PPHLN1: variants seen among roughly 807,000 people sequenced by gnomAD.
PPHLN1 encodes the protein periphilin 1.
PPHLN1 carries 29 observed loss-of-function variants against 51.3 expected under a neutral mutation model. The ratio of observed to expected loss-of-function variants is 0.57; its 90% CI spans 0.42 to 0.77. PPHLN1 has a LOEUF of 0.77. Among genes scored for constraint, PPHLN1 ranks in the 30% least tolerant of loss-of-function variants. The pLI is 0.00. For synonymous variants in PPHLN1, 147 were observed against 147.8 expected, an observed-to-expected ratio of 0.99 and a Z score of 0.04; for missense variants, 436 against 438.4, an observed-to-expected ratio of 0.99 and a Z score of 0.05.
chr12:42,362,753 T>G (rs1753924645), intron 4 of PPHLN1, among the ~76,000 whole-genome samples: 1 of 152,260 alleles, frequency 6.6e-6, no homozygotes, highest in African/African-American at 2.4e-5. Flanking sequence ...TTTTTCCATC[T>G]GTGGGAAATC....
intron 5 of PPHLN1, among the ~76,000 whole-genome samples, chr12:42,376,610 A>G (rs1452222089): frequency 1.3e-5 from 2 of 152,102 alleles, no homozygotes; most frequent in African/African-American, 4.8e-5. Context: ...AAACATAGTG[A>G]GACCCCTGTC....
intron 7 of PPHLN1, among the ~76,000 whole-genome samples, chr12:42,389,495 T>G (rs1796386): frequency 0.61 from 91,992 of 151,290 alleles, 28,006 homozygotes; most frequent in Admixed American, 0.67. Flanking sequence ...GGGAGGCGGG[T>G]GTTGCAGTGA....
intron 9 of PPHLN1, among the ~76,000 whole-genome samples, chr12:42,438,332 G>GTCAAATTTTTTT (rs2082653835): frequency 6.6e-6 from 1 of 152,122 alleles, no homozygotes; most frequent in South Asian, 2.1e-4. Context: ...GACAGAAATT[G>GTCAAATTTTTTT]GTGGTGTCAA....
chr12:42,423,679 AT>A (rs11345292), intron 9 of PPHLN1, among the ~76,000 whole-genome samples: 39,947 of 147,680 alleles, frequency 0.27, 6,583 homozygotes, highest in Non-Finnish European at 0.37. Flanking sequence ...TAACATGCAA[AT>A]TTTTTTTTTT....
At chr12:42,413,674 G>A (rs1592841770) in intron 9 of PPHLN1, among the ~76,000 whole-genome samples, 1 of 151,848 alleles carries the variant, frequency 6.6e-6, no homozygotes, top group Admixed American at 6.6e-5. Flanking sequence ...TGATTCTCCT[G>A]TCTCAGCTTC....
intron 9 of PPHLN1, among the ~76,000 whole-genome samples, chr12:42,428,820 CTT>C (rs59053077): frequency 9.8e-4 from 116 of 117,846 alleles, no homozygotes; most frequent in Non-Finnish European, 1.0e-3. Context: ...TTTTTAACTT[CTT>C]TTTTTTTTTT....
chr12:42,344,874 A>C (rs973042043), intron 2 of PPHLN1, among the ~76,000 whole-genome samples: 1 of 151,910 alleles, frequency 6.6e-6, no homozygotes, highest in Admixed American at 6.6e-5. Context: ...AAACCTGGCT[A>C]ATTTTGTGTA....
downstream of PPHLN1, chr12:42,442,542 G>A: frequency 1.3e-6 from 2 of 1,516,836 alleles, no homozygotes; most frequent in Non-Finnish European, 1.8e-6. Context: ...TATCAGGACT[G>A]CACTCTCTTT....
At chr12:42,358,010 A>G (rs1215311195) in intron 4 of PPHLN1, among the ~76,000 whole-genome samples, 1 of 152,180 alleles carries the variant, frequency 6.6e-6, no homozygotes, top group Admixed American at 6.5e-5. Flanking sequence ...TGTTTCACTT[A>G]AGATAATGGC....
intron 2 of PPHLN1, chr12:42,347,282 A>G (rs1272470371): frequency 6.6e-6 from 1 of 152,114 alleles, no homozygotes; most frequent in Non-Finnish European, 1.5e-5. Flanking sequence ...TTTTAAATTG[A>G]CTTTTTGCCA....
At chr12:42,376,432 A>G (rs2076271826) in intron 5 of PPHLN1, among the ~76,000 whole-genome samples, 1 of 152,162 alleles carries the variant, frequency 6.6e-6, no homozygotes. Context: ...CAAAAAACAT[A>G]TTTTTGGATA....
chr12:42,378,115 TC>T (rs1225464095), intron 5 of PPHLN1, among the ~76,000 whole-genome samples: 1 of 141,022 alleles, frequency 7.1e-6, no homozygotes, highest in Non-Finnish European at 1.6e-5. Flanking sequence ...TTTCTTTCTT[TC>T]TTTCTTTCTT....
chr12:42,385,337 T>C (rs1257434139), intron 6 of PPHLN1, among the ~76,000 whole-genome samples: 1 of 152,232 alleles, frequency 6.6e-6, no homozygotes, highest in African/African-American at 2.4e-5. Flanking sequence ...CTTTATCCTT[T>C]GCTGCTTGCT....
At chr12:42,365,338 G>A (rs1388616874) in intron 4 of PPHLN1, among the ~76,000 whole-genome samples, 2 of 152,164 alleles carry the variant, frequency 1.3e-5, no homozygotes, top group Non-Finnish European at 2.9e-5. Context: ...ATGAATATTT[G>A]TGTATATTTG....
At chr12:42,431,808 G>A in intron 9 of PPHLN1, 1 of 1,251,762 alleles carries the variant, frequency 8.0e-7, no homozygotes, top group Non-Finnish European at 1.2e-6. Flanking sequence ...CTTTTCTGAA[G>A]GACCATGCTC....
At chr12:42,381,301 CAG>C (rs971425682) in intron 5 of PPHLN1, among the ~76,000 whole-genome samples, 1 of 152,232 alleles carries the variant, frequency 6.6e-6, no homozygotes, top group Non-Finnish European at 1.5e-5. Context: ...GGTTCTAAAA[CAG>C]AAATCAATTA....
In PPHLN1 at chr12:42,362,408, TA is replaced by T. The variant is rs559214219; in HGVS notation, c.299+7187del. Among the ~76,000 whole-genome samples, 1,396 of 152,338 alleles carry T rather than the reference TA, an allele frequency of 9.2e-3. 13 individuals are homozygous for T. Among genetic ancestry groups the T allele is most frequent in the Non-Finnish European group, 0.012 (800 of 68,028 alleles). On this transcript the variant is annotated intron_variant, in intron 4 of 9. Coordinates refer to ENST00000358314, the MANE Select transcript of PPHLN1 (RefSeq NM_201439.2). ...AATTTATCTAATTTTTTTCTTTTGTTACTCATGCTTTTGGTGTCATATCTAA... is the reference window on the plus strand; with the variant it reads ...AATTTATCTAATTTTTTTCTTTTGTTCTCATGCTTTTGGTGTCATATCTAA...
intron 9 of PPHLN1, among the ~76,000 whole-genome samples, chr12:42,417,927 TTTTTGTTTTTTTTTTG>T (rs1281060192): frequency 2.5e-5 from 2 of 80,080 alleles, no homozygotes; most frequent in Non-Finnish European, 5.6e-5. Context: ...CTAGTTTTTT[TTTTTGTTTTTTTTTTG>T]TTTTTTTTTT....
chr12:42,375,884 C>T (rs2076226649), intron 5 of PPHLN1, among the ~76,000 whole-genome samples: 1 of 152,138 alleles, frequency 6.6e-6, no homozygotes, highest in African/African-American at 2.4e-5. Flanking sequence ...GTTCCTTGTG[C>T]CTTCTATGTG....
Sources: gnomAD v4.1 joint callset for allele counts (sites outside exome capture counted in the v4.1 genomes callset) on GRCh38, gnomAD v4.1.1 for gene constraint, MANE v1.5 for transcripts, NCBI Gene and HGNC (gene_info 2026-07-23, HGNC 2026-07-21) for gene names.